The following CD200R1L variants were observed in gnomAD, a reference collection of about 807,000 sequenced individuals.
CD200R1L encodes the protein cell surface glycoprotein CD200 receptor 2.
CD200R1L carries 14 observed loss-of-function variants against 24.8 expected under a neutral mutation model. The observed-to-expected ratio is 0.56, with a 90% CI of 0.37 to 0.88. The LOEUF (loss-of-function observed/expected upper bound fraction) is 0.88. CD200R1L is among the 40% of genes least tolerant of loss of function. The pLI is 0.00. For synonymous variants in CD200R1L, 111 were observed against 109.2 expected, an observed-to-expected ratio of 1.02 and a Z score of -0.11; for missense variants, 299 against 297.8, an observed-to-expected ratio of 1.00 and a Z score of -0.03.
intron 2 of CD200R1L, 127 bp downstream of exon 2, chr3:112,845,552 T>A (rs1939181793): frequency 1.3e-6 from 1 of 744,336 alleles, no homozygotes; most frequent in African/African-American, 1.8e-5. Flanking sequence ...CTGGATAATG[T>A]ACACATTTAT....
chr3:112,840,727 G>C (rs1939058016), intron 2 of CD200R1L, among the ~76,000 whole-genome samples: 1 of 152,240 alleles, frequency 6.6e-6, no homozygotes, highest in Middle Eastern at 3.4e-3. Context: ...GAGGAAAAAA[G>C]TACCAGAATC....
rs754818674 is a variant in CD200R1L at position 112,827,672 on chromosome 3, T to C, written c.62A>G (p.Gln21Arg). Residue 21 changes from glutamine (Q) to arginine (R), a missense_variant, in exon 5 of 8, where the codon CAG becomes CGG. By Grantham distance (43) the Gln-to-Arg change is conservative. Coordinates refer to ENST00000488794, the MANE Select transcript of CD200R1L (RefSeq NM_001199215.3). ...AGCATTTATATCCATCAGTACAGGC[T>C]GTGAAATGTTACCTGGACACACACA... ...STIFAEGNISQPVLMDINAVL... is the reference protein window; with the variant it reads ...STIFAEGNISRPVLMDINAVL... The C allele has an allele frequency of 1.2e-6, 2 of 1,612,870 alleles. No homozygotes were observed. Among genetic ancestry groups the C allele is most frequent in the Non-Finnish European group, 8.5e-7 (1 of 1,179,458 alleles).
chr3:112,833,596 C>G (rs1034643472), intron 3 of CD200R1L, among the ~76,000 whole-genome samples: 3 of 152,188 alleles, frequency 2.0e-5, no homozygotes, highest in Non-Finnish European at 4.4e-5. Flanking sequence ...CAGTAGCACT[C>G]CATTGTAAAA....
intron 7 of CD200R1L, among the ~76,000 whole-genome samples, chr3:112,819,209 G>A (rs1450218354): frequency 6.6e-6 from 1 of 152,058 alleles, no homozygotes; most frequent in African/African-American, 2.4e-5. Flanking sequence ...AACACGTGGG[G>A]ATTACAATTT....
At chr3:112,824,938 G>A (rs1403661569) in intron 6 of CD200R1L, among the ~76,000 whole-genome samples, 1 of 152,112 alleles carries the variant, frequency 6.6e-6, no homozygotes, top group African/African-American at 2.4e-5. Flanking sequence ...CTTATGGAGA[G>A]GTGGAAATTG....
chr3:112,834,902 T>A (rs948595251), intron 3 of CD200R1L, among the ~76,000 whole-genome samples: 1 of 152,174 alleles, frequency 6.6e-6, no homozygotes, highest in Non-Finnish European at 1.5e-5. Flanking sequence ...TTCTGGGGAA[T>A]GTGGTGGTGC....
intron 3 of CD200R1L, among the ~76,000 whole-genome samples, chr3:112,835,237 G>C (rs1938908706): frequency 6.6e-6 from 1 of 152,190 alleles, no homozygotes; most frequent in Non-Finnish European, 1.5e-5. Context: ...CGAGTGGGTA[G>C]CTCCTTTCTG....
chr3:112,846,494 T>G (rs1466167053), intron 1 of CD200R1L, 131 bp downstream of exon 1: 1 of 152,244 alleles, frequency 6.6e-6, no homozygotes, highest in African/African-American at 2.4e-5. Flanking sequence ...TTTTCTTGGA[T>G]ATACACCTAG....
At chr3:112,841,258 C>T (rs1294099373) in intron 2 of CD200R1L, 3 of 450,892 alleles carry the variant, frequency 6.7e-6, no homozygotes, top group South Asian at 3.2e-5. Flanking sequence ...TTCTGCTGGC[C>T]ATTTGAAGAC....
At chr3:112,845,639 G>A in intron 2 of CD200R1L, 40 bp downstream of exon 2, 1 of 1,515,970 alleles carries the variant, frequency 6.6e-7, no homozygotes, top group Non-Finnish European at 9.1e-7. Context: ...TTGAAAGAAA[G>A]CTTTATTTTC....
intron 6 of CD200R1L, among the ~76,000 whole-genome samples, chr3:112,824,363 A>G (rs1460470265): frequency 1.3e-5 from 2 of 152,210 alleles, no homozygotes; most frequent in East Asian, 3.8e-4. Context: ...AATGGTTTCA[A>G]AAATATGTAA....
At chr3:112,841,559 C>A (rs1279950883) in intron 2 of CD200R1L, among the ~76,000 whole-genome samples, 1 of 152,150 alleles carries the variant, frequency 6.6e-6, no homozygotes, top group African/African-American at 2.4e-5. Flanking sequence ...CCAAGGTTTG[C>A]CATCTTTTTC....
intron 6 of CD200R1L, among the ~76,000 whole-genome samples, chr3:112,825,232 C>CT (rs1402936186): frequency 6.8e-6 from 1 of 146,714 alleles, no homozygotes; most frequent in Non-Finnish European, 1.5e-5. Context: ...GAGCGAGACT[C>CT]TGTCTCAAAA....
intron 2 of CD200R1L, among the ~76,000 whole-genome samples, chr3:112,842,044 T>G (rs1939094596): frequency 6.6e-6 from 1 of 152,166 alleles, no homozygotes; most frequent in South Asian, 2.1e-4. Context: ...GCCCAAGGGA[T>G]CTCCACGGCC....
chr3:112,837,287 TA>T (rs1272638073), intron 3 of CD200R1L, among the ~76,000 whole-genome samples: 1 of 152,188 alleles, frequency 6.6e-6, no homozygotes, highest in Non-Finnish European at 1.5e-5. Context: ...TTTATCCCAT[TA>T]AAAAAATCAG....
intron 6 of CD200R1L, among the ~76,000 whole-genome samples, chr3:112,821,480 C>T (rs527809571): frequency 2.6e-5 from 4 of 152,326 alleles, no homozygotes; most frequent in African/African-American, 9.6e-5. Flanking sequence ...TCTGTGTTCA[C>T]CTTATCATAA....
intron 7 of CD200R1L, among the ~76,000 whole-genome samples, chr3:112,818,032 G>A (rs772659050): frequency 2.6e-5 from 4 of 152,100 alleles, no homozygotes; most frequent in East Asian, 3.9e-4. Flanking sequence ...AGAATAGCAC[G>A]GGAAAGACCA....
In CD200R1L at chr3:112,841,801, G is replaced by A. The variant is rs567490468; in HGVS notation, c.-86-3791C>T. On this transcript the variant is annotated intron_variant, in intron 2 of 7. Transcript: ENST00000488794. Reference sequence around the variant, plus strand: ...CGGAACACCTGGTGCTCAATCCTGAGGTGTCAGAGGATAAAACCATGCACT... The same window carrying A: ...CGGAACACCTGGTGCTCAATCCTGAAGTGTCAGAGGATAAAACCATGCACT... Among the ~76,000 whole-genome samples, 169 of 152,304 alleles carry A rather than the reference G, an allele frequency of 1.1e-3. 2 individuals carry two copies. The highest frequency in any genetic ancestry group is 3.8e-3 in the African/African-American group (159 of 41,566).
Position 112,826,122 on chromosome 3 carries a change from ATAT to A in CD200R1L, c.616+868_616+870del, listed in dbSNP as rs565523778. 6.0e-3 allele frequency among the ~76,000 whole-genome samples: 891 copies of A among 149,570 alleles called. 3 individuals are homozygous for A. Among genetic ancestry groups the A allele is most frequent in the Non-Finnish European group, 9.2e-3 (617 of 66,886 alleles). On this transcript the variant is annotated intron_variant, in intron 6 of 7. Transcript: ENST00000488794. ...AAAAAGAAAAGAACAAACATGAAAG[ATAT>A]TATGAGGAATAATTAATATGATTAT...
Sources: allele counts gnomAD v4.1 joint callset (sites outside exome capture counted in the v4.1 genomes callset), GRCh38; gene constraint gnomAD v4.1.1; transcripts MANE v1.5; gene names NCBI Gene and HGNC (gene_info 2026-07-23, HGNC 2026-07-21).